KCNMA1: variants seen among roughly 807,000 people sequenced by gnomAD.
KCNMA1 encodes the protein potassium calcium-activated channel subfamily M alpha 1, also known as Calcium-activated potassium channel subunit alpha-1.
KCNMA1 carries 29 observed loss-of-function variants against 140.0 expected under a neutral mutation model. That is an observed-to-expected ratio of 0.21 (90% CI 0.15 to 0.28). The LOEUF (loss-of-function observed/expected upper bound fraction) is 0.28, where lower values mean the gene tolerates loss of function less well. Ranked by LOEUF, KCNMA1 falls within the 10% of genes least tolerant of loss-of-function variation. The probability of loss-of-function intolerance (pLI) is 1.00; values close to 1 mark genes in which losing one functional copy is unlikely to be tolerated. For missense variants in KCNMA1, 880 were observed against 1,602.2 expected (o/e 0.55, Z 7.70); for synonymous variants, 612 against 611.9 (o/e 1.00, Z 0.00).
intron 2 of KCNMA1, among the ~76,000 whole-genome samples, chr10:77,314,911 C>T (rs1358946880): frequency 7.1e-6 from 1 of 141,018 alleles, no homozygotes; most frequent in Non-Finnish European, 1.5e-5. Flanking sequence ...CAGAAGACAC[C>T]ACCACACCCC....
intron 23 of KCNMA1, 117 bp downstream of exon 23, chr10:76,944,656 G>T: frequency 1.1e-6 from 1 of 945,384 alleles, no homozygotes; most frequent in South Asian, 1.4e-5. Context: ...GTGACCGCAG[G>T]TTTCACTGCC....
intron 15 of KCNMA1, among the ~76,000 whole-genome samples, chr10:77,037,558 A>G (rs1052229586): frequency 4.6e-5 from 7 of 152,074 alleles, no homozygotes; most frequent in Non-Finnish European, 1.5e-5. Context: ...CCAAGAGCAG[A>G]GTAAGAGAAG....
intron 1 of KCNMA1, among the ~76,000 whole-genome samples, chr10:77,446,159 G>A (rs1056476340): frequency 3.9e-5 from 6 of 152,114 alleles, no homozygotes; most frequent in African/African-American, 4.8e-5. Flanking sequence ...ACTTCTGTTC[G>A]GTGTCCCACT....
chr10:76,982,341 AAAG>A (rs773062190), intron 19 of KCNMA1, among the ~76,000 whole-genome samples: 2 of 127,690 alleles, frequency 1.6e-5, no homozygotes, highest in African/African-American at 5.5e-5. Context: ...AAAAAAAAAA[AAAG>A]AAAGGAAGAA....
chr10:77,021,922 G>GT lies in KCNMA1; in HGVS notation c.1929-2824dup, dbSNP rs1339005177. 2.0e-5 allele frequency among the ~76,000 whole-genome samples: 3 copies of GT among 152,282 alleles called. No individual in the cohort carries two copies. The East Asian group carries it at 5.8e-4, about 29-fold the overall frequency. ...TGAAGCACCAGAAACTACATTACTG[G>GT]TTTTTGTTTTTGTTTTTAATATTTT... On this transcript the variant is annotated intron_variant, in intron 16 of 27. Coordinates refer to ENST00000286628, the MANE Select transcript of KCNMA1 (RefSeq NM_001161352.2).
intron 17 of KCNMA1, among the ~76,000 whole-genome samples, chr10:77,016,502 T>C (rs1470353582): frequency 6.6e-6 from 1 of 152,136 alleles, no homozygotes; most frequent in African/African-American, 2.4e-5. Context: ...CTTCCCGGTA[T>C]TGTTGGGTCT....
chr10:77,583,168 T>C (rs1464111), intron 1 of KCNMA1, among the ~76,000 whole-genome samples: 139,070 of 152,252 alleles, frequency 0.91, 63,668 homozygotes, highest in South Asian at 0.97. Context: ...TAGCTCTGCC[T>C]GCTCTTCCCT....
chr10:76,989,873 G>C (rs889678250), intron 19 of KCNMA1, among the ~76,000 whole-genome samples: 1 of 151,108 alleles, frequency 6.6e-6, no homozygotes, highest in Non-Finnish European at 1.5e-5. Context: ...TCAATACTAT[G>C]GGAGATGGCA....
chr10:77,388,857 T>A (rs981193287), intron 2 of KCNMA1, among the ~76,000 whole-genome samples: 2 of 152,226 alleles, frequency 1.3e-5, no homozygotes, highest in Non-Finnish European at 2.9e-5. Flanking sequence ...ACAAGGTTTT[T>A]TTCTGTAAGA....
intron 3 of KCNMA1, chr10:77,217,569 A>G (rs781183119): frequency 3.3e-5 from 15 of 456,392 alleles, no homozygotes; most frequent in South Asian, 2.2e-4. Context: ...CTGCCGAATG[A>G]AAACATGGAG....
At chr10:77,284,596 C>T (rs183026776) in intron 2 of KCNMA1, among the ~76,000 whole-genome samples, 4 of 152,074 alleles carry the variant, frequency 2.6e-5, no homozygotes, top group Non-Finnish European at 5.9e-5. Flanking sequence ...TCACTGCAAC[C>T]TCCACCTCCC....
chr10:76,941,135 GA>G (rs1315525805), intron 23 of KCNMA1, among the ~76,000 whole-genome samples: 4 of 72,718 alleles, frequency 5.5e-5, no homozygotes, highest in African/African-American at 1.8e-4. Context: ...GAAGGGAAGG[GA>G]AGGGAAGGGA....
chr10:76,962,290 G>C (rs916591276), intron 20 of KCNMA1, among the ~76,000 whole-genome samples: 2 of 152,210 alleles, frequency 1.3e-5, no homozygotes, highest in Non-Finnish European at 2.9e-5. Flanking sequence ...TATGAAAAAG[G>C]AAAGTTACAA....
chr10:77,313,951 T>G (rs2080053073), intron 2 of KCNMA1: 1 of 152,142 alleles, frequency 6.6e-6, no homozygotes, highest in South Asian at 2.1e-4. Flanking sequence ...TTGCAACCTA[T>G]TAGTGGACCA....
At chr10:76,949,486 C>G in intron 21 of KCNMA1, 120 bp from the exon 22 acceptor site, 1 of 826,064 alleles carries the variant, frequency 1.2e-6, no homozygotes. Context: ...TTACTATGTG[C>G]TATTATTTTT....
At chr10:76,891,808 GTA>G (rs1372376115) in intron 25 of KCNMA1, 89 bp from the exon 26 acceptor site, 3 of 1,069,354 alleles carry the variant, frequency 2.8e-6, no homozygotes, top group Non-Finnish European at 2.8e-6. Flanking sequence ...ACTTTTCTTG[GTA>G]TCTCCTGTTT....
chr10:77,407,328 T>C (rs951136123), intron 1 of KCNMA1, among the ~76,000 whole-genome samples: 2 of 152,114 alleles, frequency 1.3e-5, no homozygotes, highest in African/African-American at 2.4e-5. Flanking sequence ...GCACCTCTTA[T>C]GGGGAGCAGG....
At chr10:77,263,929 C>A (rs1307024218) in intron 2 of KCNMA1, among the ~76,000 whole-genome samples, 1 of 152,168 alleles carries the variant, frequency 6.6e-6, no homozygotes, top group East Asian at 1.9e-4. Context: ...CCTAACCTGT[C>A]TACTTCTGAC....
chr10:77,492,628 C>T (rs1400737941), intron 1 of KCNMA1, among the ~76,000 whole-genome samples: 2 of 152,212 alleles, frequency 1.3e-5, no homozygotes, highest in Non-Finnish European at 2.9e-5. Flanking sequence ...ACTACAGATG[C>T]AAGAGCCTCA....
Sources: gnomAD v4.1 joint callset for allele counts (sites outside exome capture counted in the v4.1 genomes callset) on GRCh38, gnomAD v4.1.1 for gene constraint, MANE v1.5 for transcripts, NCBI Gene and HGNC (gene_info 2026-07-23, HGNC 2026-07-21) for gene names.